Variants in SMOC1 observed in about 807,000 individuals in gnomAD.
SMOC1 encodes SPARC-related modular calcium-binding protein 1.
Under a neutral mutation model 56.3 loss-of-function variants are expected in SMOC1, and 22 were observed. The ratio of observed to expected loss-of-function variants is 0.39; its 90% CI spans 0.28 to 0.56. The LOEUF (loss-of-function observed/expected upper bound fraction) is 0.56, where lower values mean the gene tolerates loss of function less well. Among genes scored for constraint, SMOC1 ranks in the 20% least tolerant of loss-of-function variants. The pLI, the probability that SMOC1 is intolerant of heterozygous loss-of-function variation, is 0.61. For missense variants in SMOC1, 509 were observed against 565.4 expected (o/e 0.90, Z 1.01); for synonymous variants, 193 against 215.0 (o/e 0.90, Z 0.89).
intron 7 of SMOC1, among the ~76,000 whole-genome samples, chr14:70,006,440 T>C (rs1418442170): frequency 6.6e-6 from 1 of 152,204 alleles, no homozygotes; most frequent in Non-Finnish European, 1.5e-5. Flanking sequence ...TGCCCTGTGG[T>C]ACTTACTGAT....
At position 69,975,113 on chromosome 14, in the gene SMOC1, G is replaced by A. The variant is rs191326638; in HGVS notation, c.379-602G>A. On this transcript the variant is annotated intron_variant, in intron 3 of 11. Transcript: ENST00000361956. The stretch of plus-strand genomic sequence containing the variant: ...AATCCCAGTACTTTGGGAGGCCGAG[G>A]CAGGTGAATCACTTGAGGTGAGGAC... 3.9e-4 allele frequency among the ~76,000 whole-genome samples: 60 copies of A among 152,296 alleles called. No homozygotes were observed. The Middle Eastern group carries it at 0.031, about 78-fold the overall frequency.
At chr14:70,006,310 C>T (rs1194349579) in intron 7 of SMOC1, among the ~76,000 whole-genome samples, 1 of 152,148 alleles carries the variant, frequency 6.6e-6, no homozygotes. Context: ...GCAAACTGCC[C>T]AGTACCAAGT....
At chr14:69,958,825 A>G (rs940096938) in intron 3 of SMOC1, among the ~76,000 whole-genome samples, 2 of 152,264 alleles carry the variant, frequency 1.3e-5, no homozygotes, top group African/African-American at 4.8e-5. Context: ...GCTTAAACAA[A>G]TGACATAGCC....
At position 70,030,226 on chromosome 14, in the gene SMOC1, T is replaced by C. The variant is rs201197026; in HGVS notation, c.1292-16T>C. On this transcript the variant is annotated splice_polypyrimidine_tract_variant and intron_variant, in intron 11 of 11. Transcript: ENST00000361956. ...CCTTTTTTTTTTTTTTTTTGCATTC[T>C]CCTTCCTTCTCTCAGTAGGACGCCT... is the stretch of plus-strand genomic sequence containing the variant. The C allele has an allele frequency of 1.4e-4, 217 of 1,594,686 alleles. 1 individual carries two copies. In the African/African-American group the frequency reaches 2.7e-3, roughly 20 times the overall value.
At chr14:69,959,789 A>G (rs143417812) in intron 3 of SMOC1, among the ~76,000 whole-genome samples, 60 of 152,054 alleles carry the variant, frequency 3.9e-4, no homozygotes, top group African/African-American at 1.1e-3. Context: ...TGAAGTTGGA[A>G]GCTTAAAAAA....
intron 1 of SMOC1, among the ~76,000 whole-genome samples, chr14:69,890,854 G>A (rs1883941267): frequency 6.6e-6 from 1 of 152,176 alleles, no homozygotes; most frequent in Non-Finnish European, 1.5e-5. Context: ...CTTTGACCTT[G>A]TAATTCTGCT....
At chr14:70,018,358 A>T (rs1293077539) in intron 10 of SMOC1, among the ~76,000 whole-genome samples, 2 of 145,904 alleles carry the variant, frequency 1.4e-5, no homozygotes, top group Non-Finnish European at 3.0e-5. Context: ...AGTGGGAGGC[A>T]TCTACTCCCT....
intron 3 of SMOC1, among the ~76,000 whole-genome samples, chr14:69,970,265 G>A (rs796646366): frequency 2.0e-5 from 3 of 152,268 alleles, no homozygotes; most frequent in South Asian, 2.1e-4. Context: ...AGACTCAGTC[G>A]CTTCCTGTCT....
chr14:69,977,446 A>G (rs930860822), intron 4 of SMOC1, among the ~76,000 whole-genome samples: 1 of 152,242 alleles, frequency 6.6e-6, no homozygotes, highest in Non-Finnish European at 1.5e-5. Context: ...CTTAATGCAG[A>G]TGGAGAATCG....
intron 3 of SMOC1, among the ~76,000 whole-genome samples, chr14:69,974,560 A>G (rs1311192138): frequency 6.6e-6 from 1 of 152,092 alleles, no homozygotes; most frequent in Non-Finnish European, 1.5e-5. Flanking sequence ...GTGCATACCA[A>G]TGAGTTTCAT....
chr14:69,901,742 A>G (rs946608142), intron 1 of SMOC1, among the ~76,000 whole-genome samples: 2 of 152,268 alleles, frequency 1.3e-5, no homozygotes, highest in Admixed American at 1.3e-4. Flanking sequence ...AATGCACAAG[A>G]AGCTGTTCAG....
chr14:70,026,376 G>A (rs1885925470), intron 11 of SMOC1, among the ~76,000 whole-genome samples: 1 of 152,188 alleles, frequency 6.6e-6, no homozygotes, highest in African/African-American at 2.4e-5. Flanking sequence ...TGAGTGTGGT[G>A]AGCTCAGATC....
intron 1 of SMOC1, among the ~76,000 whole-genome samples, chr14:69,945,472 G>A (rs1303165137): frequency 6.6e-6 from 1 of 152,164 alleles, no homozygotes; most frequent in Non-Finnish European, 1.5e-5. Flanking sequence ...TCATGGATAA[G>A]ACAGGAAAGC....
At chr14:70,016,387 G>T (rs549015299) in intron 10 of SMOC1, among the ~76,000 whole-genome samples, 1 of 152,282 alleles carries the variant, frequency 6.6e-6, no homozygotes, top group Non-Finnish European at 1.5e-5. Context: ...ACCATACTTG[G>T]TTTTGATGGG....
At chr14:69,883,015 A>G (rs1378177383) in intron 1 of SMOC1, among the ~76,000 whole-genome samples, 4 of 152,220 alleles carry the variant, frequency 2.6e-5, no homozygotes, top group Admixed American at 2.6e-4. Context: ...TTTAAATTTG[A>G]CAGATAGCAT....
At chr14:69,938,021 T>C (rs1882386844) in intron 1 of SMOC1, among the ~76,000 whole-genome samples, 1 of 152,200 alleles carries the variant, frequency 6.6e-6, no homozygotes, top group Non-Finnish European at 1.5e-5. Flanking sequence ...CCTCAAGTGC[T>C]GTGGATAAAG....
chr14:69,921,350 A>G (rs1270811317), intron 1 of SMOC1, among the ~76,000 whole-genome samples: 1 of 152,124 alleles, frequency 6.6e-6, no homozygotes, highest in East Asian at 1.9e-4. Context: ...GGACCTTCCC[A>G]GGGGAGGCTG....
At chr14:69,926,095 A>G (rs907943727) in intron 1 of SMOC1, among the ~76,000 whole-genome samples, 7 of 151,814 alleles carry the variant, frequency 4.6e-5, no homozygotes, top group African/African-American at 1.5e-4. Context: ...TGGTATTACC[A>G]AAATCCTGAC....
intron 3 of SMOC1, among the ~76,000 whole-genome samples, chr14:69,967,950 A>G (rs145582257): frequency 6.6e-6 from 1 of 152,348 alleles, no homozygotes; most frequent in African/African-American, 2.4e-5. Flanking sequence ...GAATTACACC[A>G]TCCCTTCCTT....
Sources: allele counts gnomAD v4.1 joint callset (sites outside exome capture counted in the v4.1 genomes callset), GRCh38; gene constraint gnomAD v4.1.1; transcripts MANE v1.5; gene names NCBI Gene and HGNC (gene_info 2026-07-23, HGNC 2026-07-21).